Variants in GRAMD1B observed in about 807,000 individuals in gnomAD.
The protein encoded by GRAMD1B is GRAM domain containing 1B.
A neutral mutation model predicts 99.7 loss-of-function variants in GRAMD1B; 37 were observed. The ratio of observed to expected loss-of-function variants is 0.37; its 90% CI spans 0.29 to 0.49. The LOEUF (loss-of-function observed/expected upper bound fraction) is 0.49, where lower values mean the gene tolerates loss of function less well. Ranked by LOEUF, GRAMD1B falls within the 20% of genes least tolerant of loss-of-function variation. The pLI is 0.98. For missense variants in GRAMD1B, 888 were observed against 1,009.2 expected, an observed-to-expected ratio of 0.88 and a Z score of 1.63; for synonymous variants, 427 against 387.6, an observed-to-expected ratio of 1.10 and a Z score of -1.19.
At chr11:123,485,697 A>G (rs1418825567) in intron 2 of GRAMD1B, among the ~76,000 whole-genome samples, 1 of 151,528 alleles carries the variant, frequency 6.6e-6, no homozygotes, top group Non-Finnish European at 1.5e-5. Flanking sequence ...TGTATGGAAT[A>G]TAGGACATTA....
chr11:123,610,432 T>A lies in GRAMD1B; in HGVS notation c.1919+94T>A. 8.2e-7 allele frequency: 1 copy of A among 1,220,638 alleles called. No individual in the cohort carries two copies. Among genetic ancestry groups the A allele is most frequent in the Admixed American group, 1.7e-5 (1 of 57,222 alleles). The allele number at this position is 1,220,638 out of a possible 1,614,324, so 75.6% of individuals were successfully genotyped here. A position where few individuals can be genotyped will look rare whatever the true frequency, so the allele number is the denominator to read the frequency against. ...TGACGGGGAAGGAGGAGGTGGGGAGTGCTTGGCTGCTGACTCTCTTTATTC... is the reference window on the plus strand; with the variant it reads ...TGACGGGGAAGGAGGAGGTGGGGAGAGCTTGGCTGCTGACTCTCTTTATTC... On this transcript the variant is annotated intron_variant, in intron 14 of 19. Transcript: ENST00000635736. This position sits in a 1 kb window ranked among gnomAD's most constrained non-coding sequence, Gnocchi z 4.1.
At chr11:123,605,017 A>T (rs1017961681) in intron 9 of GRAMD1B, among the ~76,000 whole-genome samples, 2 of 152,124 alleles carry the variant, frequency 1.3e-5, no homozygotes, top group Non-Finnish European at 2.9e-5. Flanking sequence ...ATGGAAAAAA[A>T]ATAGCTTAAG....
chr11:123,562,539 A>C (rs1207952075), intron 2 of GRAMD1B, among the ~76,000 whole-genome samples: 2 of 152,208 alleles, frequency 1.3e-5, no homozygotes, highest in African/African-American at 2.4e-5. Flanking sequence ...TGGACTCTGA[A>C]ATGTGGATTT....
chr11:123,554,633 C>T (rs1347104206), intron 2 of GRAMD1B, among the ~76,000 whole-genome samples: 2 of 152,032 alleles, frequency 1.3e-5, no homozygotes, highest in East Asian at 1.9e-4. Context: ...TTGCTTGAGC[C>T]CAGAAGGTTG....
intron 1 of GRAMD1B, among the ~76,000 whole-genome samples, chr11:123,365,610 T>C (rs552314664): frequency 6.6e-6 from 1 of 152,346 alleles, no homozygotes; most frequent in East Asian, 1.9e-4. Context: ...CTGTCATTAG[T>C]TCTGCACCTC....
At chr11:123,617,093 C>T (rs989459916) in intron 17 of GRAMD1B, among the ~76,000 whole-genome samples, 1 of 152,182 alleles carries the variant, frequency 6.6e-6, no homozygotes, top group Admixed American at 6.5e-5. Context: ...CTTTGAAAAG[C>T]CTAAGGCATA....
intron 1 of GRAMD1B, among the ~76,000 whole-genome samples, chr11:123,421,877 G>A (rs1948449544): frequency 6.6e-6 from 1 of 152,112 alleles, no homozygotes. Flanking sequence ...AAGAAACAAT[G>A]TATTCTAATA....
At chr11:123,457,604 GCT>G (rs1471999884) in intron 1 of GRAMD1B, among the ~76,000 whole-genome samples, 2 of 152,220 alleles carry the variant, frequency 1.3e-5, no homozygotes, top group African/African-American at 4.8e-5. Context: ...GGGGCAACTT[GCT>G]CTGTGTTCTA....
At chr11:123,468,939 GTTTAT>G (rs1167386943) in intron 1 of GRAMD1B, among the ~76,000 whole-genome samples, 1 of 151,998 alleles carries the variant, frequency 6.6e-6, no homozygotes, top group Admixed American at 6.6e-5. Flanking sequence ...ATGTGTGGGT[GTTTAT>G]TTAATTCTCC....
At chr11:123,541,762 C>T (rs1310051710) in intron 2 of GRAMD1B, among the ~76,000 whole-genome samples, 1 of 152,170 alleles carries the variant, frequency 6.6e-6, no homozygotes, top group Non-Finnish European at 1.5e-5. Flanking sequence ...ATGGTTTCTA[C>T]ATCTGGAATT....
At chr11:123,418,752 A>G (rs1350357063) in intron 1 of GRAMD1B, among the ~76,000 whole-genome samples, 2 of 152,176 alleles carry the variant, frequency 1.3e-5, no homozygotes, top group Non-Finnish European at 2.9e-5. Context: ...CAGAAGAACA[A>G]TTTCTAGAGA....
intron 2 of GRAMD1B, among the ~76,000 whole-genome samples, chr11:123,493,270 T>C (rs917754747): frequency 1.3e-5 from 2 of 152,324 alleles, no homozygotes; most frequent in South Asian, 4.1e-4. Context: ...ACTTACTTTA[T>C]GGAGCTTGTG....
intron 1 of GRAMD1B, among the ~76,000 whole-genome samples, chr11:123,390,091 T>TA (rs58900383): frequency 0.26 from 34,704 of 136,076 alleles, 7,128 homozygotes; most frequent in African/African-American, 0.58. Context: ...TCTTCTAAAA[T>TA]AAAAAAAAAT....
chr11:123,443,022 C>A (rs1434492511), intron 1 of GRAMD1B, among the ~76,000 whole-genome samples: 1 of 152,032 alleles, frequency 6.6e-6, no homozygotes, highest in Non-Finnish European at 1.5e-5. Flanking sequence ...TTACTGCAGT[C>A]TGTTTTATCA....
At chr11:123,389,929 C>G (rs11219126) in intron 1 of GRAMD1B, among the ~76,000 whole-genome samples, 60,699 of 151,784 alleles carry the variant, frequency 0.4, 18,054 homozygotes, top group African/African-American at 0.85. Context: ...TAATGTTTTC[C>G]CATTTTTAGT....
chr11:123,570,228 A>G (rs2136131204), intron 2 of GRAMD1B, among the ~76,000 whole-genome samples: 1 of 152,160 alleles, frequency 6.6e-6, no homozygotes, highest in Admixed American at 6.5e-5. Flanking sequence ...ATCCACTGGA[A>G]ATTTTCATTT....
At chr11:123,433,085 G>A (rs1948977271) in intron 1 of GRAMD1B, among the ~76,000 whole-genome samples, 2 of 152,156 alleles carry the variant, frequency 1.3e-5, no homozygotes, top group East Asian at 1.9e-4. Context: ...CAGGGGCGGT[G>A]GCTAATGCCT....
chr11:123,597,921 A>G (rs1951484242), intron 7 of GRAMD1B: 1 of 1,035,530 alleles, frequency 9.7e-7, no homozygotes, highest in African/African-American at 1.6e-5. Flanking sequence ...CTAGCCCCAA[A>G]GCTGAGCTAC....
At chr11:123,471,754 C>T (rs1951024934) in intron 1 of GRAMD1B, among the ~76,000 whole-genome samples, 1 of 152,118 alleles carries the variant, frequency 6.6e-6, no homozygotes, top group Non-Finnish European at 1.5e-5. Context: ...TTGAGTATAA[C>T]ATCCAGTGAA....
Sources: allele counts gnomAD v4.1 joint callset (sites outside exome capture counted in the v4.1 genomes callset), GRCh38; gene constraint gnomAD v4.1.1; non-coding constraint Gnocchi (gnomAD v3.1); transcripts MANE v1.5; gene names NCBI Gene and HGNC (gene_info 2026-07-23, HGNC 2026-07-21).